Variants in ENAH observed in about 807,000 individuals in gnomAD.
ENAH encodes ENAH actin regulator, also known as protein enabled homolog.
Under a neutral mutation model 78.7 loss-of-function variants are expected in ENAH, and 23 were observed. The ratio of observed to expected loss-of-function variants is 0.29; its 90% CI spans 0.21 to 0.41. The LOEUF (loss-of-function observed/expected upper bound fraction) is 0.41, where lower values mean the gene tolerates loss of function less well. ENAH is among the 10% of genes least tolerant of loss of function. The pLI, the probability that ENAH is intolerant of heterozygous loss-of-function variation, is 1.00. For missense variants in ENAH, 544 were observed against 691.0 expected, an observed-to-expected ratio of 0.79 and a Z score of 2.39; for synonymous variants, 226 against 241.0, an observed-to-expected ratio of 0.94 and a Z score of 0.58.
chr1:225,524,003 T>C (rs1347311507), intron 4 of ENAH, among the ~76,000 whole-genome samples: 1 of 152,212 alleles, frequency 6.6e-6, no homozygotes, highest in East Asian at 1.9e-4. Context: ...TCTTTTAAGC[T>C]AGGCATATAT....
At chr1:225,607,738 C>A (rs558483382) in intron 1 of ENAH, among the ~76,000 whole-genome samples, 1 of 152,214 alleles carries the variant, frequency 6.6e-6, no homozygotes, top group Non-Finnish European at 1.5e-5. Context: ...CACCACCCTC[C>A]TTTTCCCCAA....
At chr1:225,507,767 T>G (rs968760076) in intron 11 of ENAH, among the ~76,000 whole-genome samples, 184 bp downstream of exon 11, 1 of 152,124 alleles carries the variant, frequency 6.6e-6, no homozygotes. Flanking sequence ...AATTTATCAA[T>G]CACTAGTAAT....
chr1:225,572,709 G>A (rs2096769407), intron 1 of ENAH, among the ~76,000 whole-genome samples: 1 of 152,184 alleles, frequency 6.6e-6, no homozygotes, highest in Non-Finnish European at 1.5e-5. Context: ...CCCAGTCAAA[G>A]TCTTCAAGAT....
chr1:225,620,294 G>A (rs944382058), intron 1 of ENAH, among the ~76,000 whole-genome samples: 1 of 151,090 alleles, frequency 6.6e-6, no homozygotes, highest in South Asian at 2.1e-4. Flanking sequence ...TTGGGAGGCC[G>A]CGGCAGGTAG....
intron 3 of ENAH, among the ~76,000 whole-genome samples, chr1:225,547,488 T>TAC (rs1265513334): frequency 9.8e-5 from 15 of 152,334 alleles, no homozygotes; most frequent in African/African-American, 3.4e-4. Flanking sequence ...CACCTCATTC[T>TAC]ACCACTGTTT....
chr1:225,615,043 C>T (rs2097017459), intron 1 of ENAH, among the ~76,000 whole-genome samples: 1 of 61,374 alleles, frequency 1.6e-5, no homozygotes, highest in Admixed American at 1.5e-4. Flanking sequence ...CCCCGGTCTC[C>T]CTCTCCCTCT....
chr1:225,613,500 G>T (rs1160382409), intron 1 of ENAH, among the ~76,000 whole-genome samples: 1 of 151,904 alleles, frequency 6.6e-6, no homozygotes, highest in Non-Finnish European at 1.5e-5. Context: ...TACTTTTTCA[G>T]TTTGTCAATT....
At chr1:225,617,221 A>G (rs1391384057) in intron 1 of ENAH, among the ~76,000 whole-genome samples, 2 of 152,230 alleles carry the variant, frequency 1.3e-5, no homozygotes, top group Non-Finnish European at 2.9e-5. Context: ...CCTTATAGTT[A>G]GTTGAAATAT....
intron 1 of ENAH, among the ~76,000 whole-genome samples, chr1:225,597,138 TTA>T (rs1255043645): frequency 6.6e-6 from 1 of 152,162 alleles, no homozygotes; most frequent in Admixed American, 6.5e-5. Context: ...AGCCTATTAT[TTA>T]TGTTTCCATT....
At position 225,567,159 on chromosome 1, in the gene ENAH, ACAGT is replaced by A. The variant is rs2096738928; in HGVS notation, c.171+86_171+89del. 3 of 1,396,164 alleles carry A rather than the reference ACAGT, an allele frequency of 2.1e-6. No homozygotes were observed. The African/African-American group carries it at 4.4e-5, about 21-fold the overall frequency. The allele number at this position is 1,396,164 out of a possible 1,614,324, so 86.5% of individuals were successfully genotyped here. On this transcript the variant is annotated intron_variant, in intron 2 of 13. Transcript: ENST00000366843. ...TTCCCAGAGAGAGACTATTTTGATT[ACAGT>A]TTTAAAACTACTTTATTTTACGGAA...
At chr1:225,502,644 G>A (rs1256655856) in intron 11 of ENAH, among the ~76,000 whole-genome samples, 1 of 152,158 alleles carries the variant, frequency 6.6e-6, no homozygotes, top group Non-Finnish European at 1.5e-5. Flanking sequence ...CATTCAATAA[G>A]CACTGAGCTA....
At chr1:225,617,102 TAA>T (rs58590760) in intron 1 of ENAH, among the ~76,000 whole-genome samples, 11 of 141,944 alleles carry the variant, frequency 7.7e-5, no homozygotes, top group Admixed American at 2.1e-4. Flanking sequence ...CCATCTCAAT[TAA>T]AAAAAAAAAA....
intron 3 of ENAH, among the ~76,000 whole-genome samples, chr1:225,553,953 A>T (rs2096653946): frequency 6.6e-6 from 1 of 152,218 alleles, no homozygotes; most frequent in African/African-American, 2.4e-5. Flanking sequence ...TATTTGACAG[A>T]CTAACACACC....
chr1:225,526,100 G>A (rs575651900), intron 4 of ENAH, among the ~76,000 whole-genome samples: 3 of 151,990 alleles, frequency 2.0e-5, no homozygotes, highest in African/African-American at 4.8e-5. Context: ...TGATCTAGAC[G>A]ATCAATGAGT....
intron 1 of ENAH, among the ~76,000 whole-genome samples, chr1:225,634,207 C>A (rs1659631866): frequency 6.6e-6 from 1 of 152,086 alleles, no homozygotes; most frequent in South Asian, 2.1e-4. Context: ...TCTAAGCAAC[C>A]AAACAGATAT....
At chr1:225,553,750 T>A (rs990514284) in intron 3 of ENAH, among the ~76,000 whole-genome samples, 2 of 152,214 alleles carry the variant, frequency 1.3e-5, no homozygotes, top group Non-Finnish European at 2.9e-5. Flanking sequence ...CCTATGCTAT[T>A]TTCTGGACTT....
chr1:225,606,842 C>CAAAAA (rs59168194), intron 1 of ENAH, among the ~76,000 whole-genome samples: 4 of 49,044 alleles, frequency 8.2e-5, no homozygotes, highest in Non-Finnish European at 1.2e-4. Context: ...GACTCTGTCT[C>CAAAAA]AAAAAAAAAA....
intron 2 of ENAH, among the ~76,000 whole-genome samples, chr1:225,561,661 T>TAAAATAAAATAAAATA (rs550330495): frequency 0.036 from 1,036 of 28,868 alleles, 10 homozygotes; most frequent in Middle Eastern, 0.071. Context: ...AAAATAAAAT[T>TAAAATAAAATAAAATA]AGTATGTTCA....
At chr1:225,585,239 A>C (rs2096840134) in intron 1 of ENAH, among the ~76,000 whole-genome samples, 1 of 149,700 alleles carries the variant, frequency 6.7e-6, no homozygotes. Flanking sequence ...AAAAAAAAAA[A>C]AAAAAAAACA....
Sources: gnomAD v4.1 joint callset for allele counts (sites outside exome capture counted in the v4.1 genomes callset) on GRCh38, gnomAD v4.1.1 for gene constraint, MANE v1.5 for transcripts, NCBI Gene and HGNC (gene_info 2026-07-23, HGNC 2026-07-21) for gene names.